KIAA1549L: variants seen among roughly 807,000 people sequenced by gnomAD.
KIAA1549L encodes KIAA1549 like.
In KIAA1549L, 88 loss-of-function variants were observed where a neutral mutation model predicts 160.7. The observed-to-expected ratio is 0.55, with a 90% CI of 0.46 to 0.65. The LOEUF (loss-of-function observed/expected upper bound fraction) is 0.65. Among genes scored for constraint, KIAA1549L ranks in the 30% least tolerant of loss-of-function variants. KIAA1549L has a pLI of 0.00. For synonymous variants in KIAA1549L, 950 were observed against 976.7 expected, an observed-to-expected ratio of 0.97 and a Z score of 0.51; for missense variants, 2,258 against 2,437.5, an observed-to-expected ratio of 0.93 and a Z score of 1.55.
At chr11:33,477,914 A>G (rs1174023927) in intron 1 of KIAA1549L, among the ~76,000 whole-genome samples, 1 of 152,210 alleles carries the variant, frequency 6.6e-6, no homozygotes, top group African/African-American at 2.4e-5. Flanking sequence ...AAGTTCATAG[A>G]CCCAAGGAAC....
intron 1 of KIAA1549L, among the ~76,000 whole-genome samples, chr11:33,520,999 CA>C (rs1026014643): frequency 9.2e-4 from 135 of 146,546 alleles, no homozygotes; most frequent in African/African-American, 1.3e-3. Flanking sequence ...CCAATATCTA[CA>C]AAAAAAAAAG....
intron 1 of KIAA1549L, among the ~76,000 whole-genome samples, chr11:33,379,487 G>A (rs1255707765): frequency 6.6e-6 from 1 of 152,164 alleles, no homozygotes; most frequent in African/African-American, 2.4e-5. Flanking sequence ...TTTCTTTGTA[G>A]TACTGAGTAC....
chr11:33,671,885 T>C lies in KIAA1549L; in HGVS notation c.*3731T>C, dbSNP rs1217781656. 2 of 152,232 alleles carry C rather than the reference T, an allele frequency of 1.3e-5. No individual in the cohort carries two copies. The highest frequency in any genetic ancestry group is 4.8e-5 in the African/African-American group (2 of 41,454). The allele number at this position is 152,232 out of a possible 1,614,324, so 9.4% of individuals were successfully genotyped here. On this transcript the variant is annotated 3_prime_UTR_variant, in exon 21 of 21. Coordinates refer to ENST00000658780, the MANE Select transcript of KIAA1549L (RefSeq NM_012194.3). ...ACACCAGAAAATAATTTGGATTTTA[T>C]TTACAAACTACATCCAAATACTCTT...
chr11:33,508,179 C>T (rs976835331), intron 1 of KIAA1549L, among the ~76,000 whole-genome samples: 8 of 152,330 alleles, frequency 5.3e-5, no homozygotes, highest in African/African-American at 1.9e-4. Context: ...CCACATAAAA[C>T]CTCTGCTGCA....
chr11:33,542,812 G>A lies in KIAA1549L; in HGVS notation c.1249G>A (p.Glu417Lys). 6.2e-7 allele frequency: 1 copy of A among 1,613,820 alleles called. No homozygotes were observed. Among genetic ancestry groups the A allele is most frequent in the Non-Finnish European group, 8.5e-7 (1 of 1,179,876 alleles). ...TACAGAAACAGCGACCCATGAGGCT[G>A]AGCCTCCACTTTTCCAGACTGCAGA... ...KNTETATHEAEPPLFQTAESG... is the reference protein window; with the variant it reads ...KNTETATHEAKPPLFQTAESG... The change falls in exon 2 of 21, where the codon GAG becomes AAG. Residue 417 changes from glutamate (E) to lysine (K), a missense_variant. By Grantham distance (56) the Glu-to-Lys change is moderately conservative (BLOSUM62 1). Around this residue, in one of 6 missense-constraint regions of KIAA1549L, gnomAD observed 540 missense variants for 465.7 expected, o/e 1.16. Transcript: ENST00000658780.
chr11:33,527,572 CAAAGAT>C (rs1191656685), intron 1 of KIAA1549L, among the ~76,000 whole-genome samples: 3 of 152,072 alleles, frequency 2.0e-5, no homozygotes, highest in African/African-American at 7.2e-5. Flanking sequence ...GCAACAAAAA[CAAAGAT>C]AAATAGATAG....
intron 6 of KIAA1549L, among the ~76,000 whole-genome samples, chr11:33,558,759 A>G (rs746230912): frequency 9.9e-5 from 15 of 152,212 alleles, no homozygotes; most frequent in Non-Finnish European, 1.5e-4. Context: ...TACACATTCA[A>G]TGTTGAATTA....
chr11:33,524,450 T>C (rs1327421692), intron 1 of KIAA1549L, among the ~76,000 whole-genome samples: 1 of 152,126 alleles, frequency 6.6e-6, no homozygotes, highest in Non-Finnish European at 1.5e-5. Flanking sequence ...CTACTATTCT[T>C]TGTGTTATAA....
intron 1 of KIAA1549L, among the ~76,000 whole-genome samples, chr11:33,451,203 A>C (rs1232248547): frequency 1.3e-5 from 2 of 152,216 alleles, no homozygotes; most frequent in African/African-American, 4.8e-5. Context: ...TACCTTTATA[A>C]GGACCTACTA....
At chr11:33,423,886 G>C (rs1291401694) in intron 1 of KIAA1549L, among the ~76,000 whole-genome samples, 2 of 152,144 alleles carry the variant, frequency 1.3e-5, no homozygotes, top group African/African-American at 4.8e-5. Flanking sequence ...AAAGCTAGCT[G>C]GGCATGGTGG....
chr11:33,504,401 G>A (rs1346210307), intron 1 of KIAA1549L, among the ~76,000 whole-genome samples: 1 of 151,838 alleles, frequency 6.6e-6, no homozygotes, highest in Non-Finnish European at 1.5e-5. Context: ...AATTTTTATA[G>A]CAAACCAATC....
chr11:33,541,949 C>CT lies in KIAA1549L; in HGVS notation c.387dup (p.Asp130Ter). ...ATCAAGACCGTGCTGGGACAGTCCT[C>CT]TGACAACACAAGCTTGCCACAGTCA... is the stretch of plus-strand genomic sequence containing the variant. On this transcript the variant is annotated frameshift_variant, in exon 2 of 21. Transcript: ENST00000658780. LOFTEE classifies it high-confidence loss of function. 1 of 383,496 alleles carries CT rather than the reference C, an allele frequency of 2.6e-6. No individual in the cohort carries two copies. The highest frequency in any genetic ancestry group is 1.9e-5 in the South Asian group (1 of 52,426). 23.8% of individuals were successfully genotyped at this position (383,496 alleles called of 1,614,324 possible).
chr11:33,606,775 C>T lies in KIAA1549L; in HGVS notation c.5014C>T (p.Pro1672Ser). ...ACCCACAGCCCTCCCCATGGTGCCCCCCACCTCGGACAGGAGCCAGGAGTC... is the reference window on the plus strand; with the variant it reads ...ACCCACAGCCCTCCCCATGGTGCCCTCCACCTCGGACAGGAGCCAGGAGTC... ...IKPTALPMVP[P>S]TSDRSQESSA... is the part of the protein sequence containing the mutation. Residue 1672 changes from proline (P) to serine (S), a missense_variant, in exon 14 of 21, where the codon CCC becomes TCC. Around this residue, in one of 6 missense-constraint regions of KIAA1549L, gnomAD observed 1,359 missense variants for 1,546.6 expected, o/e 0.88. Coordinates refer to ENST00000658780, the MANE Select transcript of KIAA1549L (RefSeq NM_012194.3). 3 of 1,613,214 alleles carry T rather than the reference C, an allele frequency of 1.9e-6. No homozygotes were observed. Among genetic ancestry groups the T allele is most frequent in the Non-Finnish European group, 2.5e-6 (3 of 1,179,622 alleles).
At position 33,629,097 on chromosome 11, in the gene KIAA1549L, A is replaced by C. The variant is rs183587982; in HGVS notation, c.5409+10435A>C. Among the ~76,000 whole-genome samples the C allele has an allele frequency of 3.8e-3, 579 of 152,100 alleles. 18 individuals are homozygous for C. The highest frequency in any genetic ancestry group is 0.034 in the Admixed American group (523 of 15,292). ...TGGGTTGAAAATTCTTTTCTTTAAG[A>C]ATGTTGAATTTTGGCCCCCACTCTC... is the stretch of plus-strand genomic sequence containing the variant. On this transcript the variant is annotated intron_variant, in intron 16 of 20. Coordinates refer to ENST00000658780, the MANE Select transcript of KIAA1549L (RefSeq NM_012194.3).
chr11:33,512,497 A>G (rs1175321114), intron 1 of KIAA1549L, among the ~76,000 whole-genome samples: 3 of 152,142 alleles, frequency 2.0e-5, no homozygotes, highest in Non-Finnish European at 4.4e-5. Flanking sequence ...ATCTCGGCTC[A>G]CAGGAACCTT....
chr11:33,645,672 G>T lies in KIAA1549L; in HGVS notation c.5410-14G>T. 3 of 1,595,958 alleles carry T rather than the reference G, an allele frequency of 1.9e-6. No homozygotes were observed. In the South Asian group the frequency reaches 3.3e-5, roughly 18 times the overall value. On this transcript the variant is annotated splice_polypyrimidine_tract_variant and intron_variant, in intron 16 of 20. Coordinates refer to ENST00000658780, the MANE Select transcript of KIAA1549L (RefSeq NM_012194.3). ...GAAAGTAAACACATCAATGGGCTTT[G>T]TTTCCTCCCACAGACTGAGCCTGAA...
intron 1 of KIAA1549L, among the ~76,000 whole-genome samples, chr11:33,472,514 C>CTATA (rs1852202234): frequency 6.6e-6 from 1 of 152,064 alleles, no homozygotes; most frequent in South Asian, 2.1e-4. Context: ...AGACCAGGAA[C>CTATA]TATAATTCCA....
intron 1 of KIAA1549L, among the ~76,000 whole-genome samples, chr11:33,479,016 G>T (rs927207595): frequency 6.6e-6 from 1 of 152,218 alleles, no homozygotes; most frequent in Non-Finnish European, 1.5e-5. Flanking sequence ...GTTAGTAAAT[G>T]GTAGAGCCAG....
Position 33,645,919 on chromosome 11 carries a change from C to T in KIAA1549L, c.5643C>T (p.His1881=), listed in dbSNP as rs1325064991. ...RHQEAYGSAQ[H]LPYSEVVTSA... The stretch of plus-strand genomic sequence containing the variant: ...AAGAGGCCTACGGCTCAGCCCAGCA[C>T]CTGCCCTATTCGGAGGTGGTGACCA... The change falls in exon 17 of 21, where the codon CAC becomes CAT. Residue 1881 remains histidine, a synonymous_variant. Coordinates refer to ENST00000658780, the MANE Select transcript of KIAA1549L (RefSeq NM_012194.3). The T allele has an allele frequency of 1.3e-5, 21 of 1,613,312 alleles. No homozygotes were observed. The highest frequency in any genetic ancestry group is 1.7e-5 in the Non-Finnish European group (20 of 1,179,658).
Sources: gnomAD v4.1 joint callset for allele counts (sites outside exome capture counted in the v4.1 genomes callset) on GRCh38, gnomAD v4.1.1 for gene constraint, gnomAD v4.1.1 regional missense constraint, MANE v1.5 for transcripts, NCBI Gene and HGNC (gene_info 2026-07-23, HGNC 2026-07-21) for gene names.